The following BICD1 variants were observed in gnomAD, a reference collection of about 807,000 sequenced individuals.
The protein encoded by BICD1 is BICD cargo adaptor 1.
Under a neutral mutation model 92.5 loss-of-function variants are expected in BICD1, and 35 were observed. That is an observed-to-expected ratio of 0.38 (90% confidence interval 0.29 to 0.50). The LOEUF (loss-of-function observed/expected upper bound fraction) is 0.50, where lower values mean the gene tolerates loss of function less well. BICD1 is among the 20% of genes least tolerant of loss of function. The pLI is 0.93. For missense variants in BICD1, 950 were observed against 1,189.8 expected (o/e 0.80, Z 2.97); for synonymous variants, 429 against 465.1 (o/e 0.92, Z 1.00).
chr12:32,369,500 G>A (rs1939650902), intron 9 of BICD1, among the ~76,000 whole-genome samples: 1 of 152,274 alleles, frequency 6.6e-6, no homozygotes, highest in Non-Finnish European at 1.5e-5. Flanking sequence ...GGTGCCACAA[G>A]TGTGGAAACA....
chr12:32,155,599 G>A (rs559426283), intron 1 of BICD1, among the ~76,000 whole-genome samples: 2 of 152,216 alleles, frequency 1.3e-5, no homozygotes, highest in East Asian at 1.9e-4. Flanking sequence ...CAAAGAGATC[G>A]CTTTTGTTGC....
At chr12:32,290,390 A>G (rs1320286450) in intron 2 of BICD1, among the ~76,000 whole-genome samples, 2 of 152,218 alleles carry the variant, frequency 1.3e-5, no homozygotes, top group Non-Finnish European at 2.9e-5. Context: ...GCCCTGCCCA[A>G]GTTAGGATCT....
At chr12:32,371,964 C>A (rs553890843) in intron 9 of BICD1, among the ~76,000 whole-genome samples, 3 of 152,310 alleles carry the variant, frequency 2.0e-5, no homozygotes, top group African/African-American at 7.2e-5. Flanking sequence ...ATCCTGAACA[C>A]AACTGAGCCT....
rs1436212125 is a variant in BICD1 at position 32,346,603 on chromosome 12, TATATATATAC to T, written c.2764+7625_2764+7634del. ...ATATACGTGTATATATATATATATA[TATATATATAC>T]GTGTATATATATATATATATACGTG... On this transcript the variant is annotated intron_variant, in intron 8 of 9. Transcript: ENST00000652176. Among the ~76,000 whole-genome samples, 2 of 15,874 alleles carry T rather than the reference TATATATATAC, an allele frequency of 1.3e-4. 1 individual carries two copies. The highest frequency in any genetic ancestry group is 1.7e-4 in the Non-Finnish European group (2 of 11,540). 10.4% of individuals were successfully genotyped at this position (15,874 alleles called of 152,430 possible).
In BICD1 at chr12:32,383,105, G is replaced by A. The variant is rs1940240917; in HGVS notation, c.*5478G>A. The A allele has an allele frequency of 6.6e-6, 1 of 151,954 alleles. No homozygotes were observed. The highest frequency in any genetic ancestry group is 1.5e-5 in the Non-Finnish European group (1 of 67,926). 9.4% of individuals were successfully genotyped at this position (151,954 alleles called of 1,614,324 possible). A position where few individuals can be genotyped will look rare whatever the true frequency, so the allele number is the denominator to read the frequency against. On this transcript the variant is annotated 3_prime_UTR_variant, in exon 10 of 10. Transcript: ENST00000652176. ...GATTCTGATATTGTATTTCTTTCCA[G>A]TATTAACATGTGTATTGTGTGGCCA...
At chr12:32,177,742 TA>T (rs1207899029) in intron 1 of BICD1, among the ~76,000 whole-genome samples, 1 of 5,594 alleles carries the variant, frequency 1.8e-4, no homozygotes, top group South Asian at 7.0e-3. Context: ...TATATTTATA[TA>T]AAATATATAT....
Position 32,238,078 on chromosome 12 carries a change from A to T in BICD1, c.426+21619A>T, listed in dbSNP as rs561954207. 3.5e-4 allele frequency among the ~76,000 whole-genome samples: 54 copies of T among 152,270 alleles called. 1 individual carries two copies. In the South Asian group the frequency reaches 0.011, roughly 30 times the overall value. On this transcript the variant is annotated intron_variant, in intron 2 of 9. Transcript: ENST00000652176. ...ATGAACAGGAGTTTCGAAGAAGTTG[A>T]TTCCAAACCTCATGGTGACTTTGAG...
chr12:32,269,574 C>A (rs1350929785), intron 2 of BICD1, among the ~76,000 whole-genome samples: 1 of 152,076 alleles, frequency 6.6e-6, no homozygotes, highest in African/African-American at 2.4e-5. Context: ...ATGCTAAAAT[C>A]AAAAAGATAG....
At position 32,182,278 on chromosome 12, in the gene BICD1, C is replaced by CTTTT. The variant is rs759328721; in HGVS notation, c.214-33950_214-33947dup. Reference sequence around the variant, plus strand: ...TTCTTTTTTCTTTCTTTCTTTCTTTCTTTTTTTTTTTTTTTTTTTTTTGAG... The same window carrying CTTTT: ...TTCTTTTTTCTTTCTTTCTTTCTTTCTTTTTTTTTTTTTTTTTTTTTTTTTTGAG... On this transcript the variant is annotated intron_variant, in intron 1 of 9. Transcript: ENST00000652176. Among the ~76,000 whole-genome samples the CTTTT allele has an allele frequency of 6.3e-3, 510 of 81,382 alleles. 2 individuals are homozygous for CTTTT. Among genetic ancestry groups the CTTTT allele is most frequent in the East Asian group, 0.012 (30 of 2,466 alleles). 53.4% of individuals were successfully genotyped at this position (81,382 alleles called of 152,430 possible). A position where few individuals can be genotyped will look rare whatever the true frequency, so the allele number is the denominator to read the frequency against.
intron 1 of BICD1, among the ~76,000 whole-genome samples, chr12:32,170,660 G>T (rs1378817771): frequency 1.3e-5 from 2 of 152,166 alleles, no homozygotes; most frequent in Non-Finnish European, 1.5e-5. Context: ...ACCAAAATTT[G>T]GCAAAGGGTC....
At chr12:32,276,088 TG>T (rs1947268764) in intron 2 of BICD1, among the ~76,000 whole-genome samples, 1 of 152,116 alleles carries the variant, frequency 6.6e-6, no homozygotes, top group Non-Finnish European at 1.5e-5. Context: ...CCGAAGCGTT[TG>T]TCTCTTCCAG....
intron 2 of BICD1, among the ~76,000 whole-genome samples, chr12:32,248,860 T>C (rs1328678790): frequency 6.6e-6 from 1 of 152,206 alleles, no homozygotes; most frequent in African/African-American, 2.4e-5. Flanking sequence ...AATACTGTGC[T>C]TAAGGCACAA....
At chr12:32,272,373 A>G (rs1417030619) in intron 2 of BICD1, among the ~76,000 whole-genome samples, 1 of 152,236 alleles carries the variant, frequency 6.6e-6, no homozygotes. Flanking sequence ...ATGTCTACAT[A>G]TAAGTGTGCA....
intron 3 of BICD1, among the ~76,000 whole-genome samples, chr12:32,301,819 G>T (rs1948055282): frequency 6.6e-6 from 1 of 152,132 alleles, no homozygotes; most frequent in Admixed American, 6.6e-5. Context: ...GGAACAGCCA[G>T]TGCTCACTTA....
chr12:32,163,033 G>T (rs919988472), intron 1 of BICD1, among the ~76,000 whole-genome samples: 3 of 147,888 alleles, frequency 2.0e-5, no homozygotes, highest in African/African-American at 7.3e-5. Context: ...TTTAAATTAT[G>T]GTTTTAACAT....
chr12:32,308,078 T>C (rs987977342), intron 4 of BICD1, among the ~76,000 whole-genome samples: 12 of 152,246 alleles, frequency 7.9e-5, no homozygotes, highest in Admixed American at 7.9e-4. Flanking sequence ...ATTCTAAATG[T>C]GATCTGAATT....
At position 32,337,807 on chromosome 12, in the gene BICD1, A is replaced by G. The variant is rs1198217917; in HGVS notation, c.2561A>G (p.Gln854Arg). The G allele has an allele frequency of 6.2e-7, 1 of 1,614,170 alleles. No homozygotes were observed. The highest frequency in any genetic ancestry group is 1.3e-5 in the African/African-American group (1 of 75,054). The change falls in exon 7 of 10, where the codon CAG (glutamine) becomes CGG (arginine). Residue 854 changes from glutamine to arginine, a missense_variant. Around this residue, in one of 5 missense-constraint regions of BICD1, gnomAD observed 179 missense variants for 186.7 expected, o/e 0.96. Coordinates refer to ENST00000652176, the MANE Select transcript of BICD1 (RefSeq NM_001714.4). This position sits in a 1 kb window ranked among gnomAD's most constrained non-coding sequence, Gnocchi z 4.7. ...TPNIRVSSGTQRKRQFSPSLC... is the reference protein window; with the variant it reads ...TPNIRVSSGTRRKRQFSPSLC... The stretch of plus-strand genomic sequence containing the variant: ...AACATTCGGGTCAGCAGTGGCACTC[A>G]GAGGAAAAGGTATGCATGCAGCGAT...
At chr12:32,208,781 T>C (rs1237966931) in intron 1 of BICD1, among the ~76,000 whole-genome samples, 1 of 152,214 alleles carries the variant, frequency 6.6e-6, no homozygotes, top group Non-Finnish European at 1.5e-5. Context: ...TCCTATTTTT[T>C]GTGCTTCATC....
intron 1 of BICD1, among the ~76,000 whole-genome samples, chr12:32,138,159 G>T (rs560764503): frequency 5.9e-5 from 9 of 152,274 alleles, no homozygotes; most frequent in African/African-American, 2.2e-4. Context: ...ACTGGGTATT[G>T]TGCTAGATAT....
Sources: allele counts gnomAD v4.1 joint callset (sites outside exome capture counted in the v4.1 genomes callset), GRCh38; gene constraint gnomAD v4.1.1; regional missense constraint gnomAD v4.1.1; non-coding constraint Gnocchi (gnomAD v3.1); transcripts MANE v1.5; gene names NCBI Gene and HGNC (gene_info 2026-07-23, HGNC 2026-07-21).